PPP3CC: variants seen among roughly 807,000 people sequenced by gnomAD.
PPP3CC encodes the protein serine/threonine-protein phosphatase 2B catalytic subunit gamma isoform.
A neutral mutation model predicts 60.3 loss-of-function variants in PPP3CC; 35 were observed. That is an observed-to-expected ratio of 0.58 (90% confidence interval 0.44 to 0.77). The LOEUF (loss-of-function observed/expected upper bound fraction) is 0.77. PPP3CC is among the 30% of genes least tolerant of loss of function. PPP3CC has a pLI of 0.00. For synonymous variants in PPP3CC, 206 were observed against 224.3 expected (o/e 0.92, Z 0.73); for missense variants, 570 against 628.9 (o/e 0.91, Z 1.00).
intron 3 of PPP3CC, among the ~76,000 whole-genome samples, chr8:22,490,197 A>G (rs1434097926): frequency 6.6e-6 from 1 of 152,126 alleles, no homozygotes; most frequent in East Asian, 1.9e-4. Context: ...CATAAATGAT[A>G]TGGTGCTGTC....
chr8:22,514,020 C>T (rs1350006940), intron 6 of PPP3CC, among the ~76,000 whole-genome samples: 2 of 152,020 alleles, frequency 1.3e-5, no homozygotes, highest in Non-Finnish European at 2.9e-5. Flanking sequence ...CCTAGGCGGG[C>T]GGATCACTTA....
chr8:22,533,138 C>A, intron 12 of PPP3CC, 120 bp downstream of exon 12: 2 of 643,286 alleles, frequency 3.1e-6, no homozygotes, highest in Non-Finnish European at 2.4e-6. Context: ...ATACCATAAG[C>A]GGGGAAATGA....
intron 4 of PPP3CC, among the ~76,000 whole-genome samples, chr8:22,509,845 G>A (rs1281436133): frequency 1.3e-5 from 2 of 152,136 alleles, no homozygotes; most frequent in African/African-American, 4.8e-5. Context: ...TGGACAGCAG[G>A]TGTGTGCCAC....
intron 6 of PPP3CC, among the ~76,000 whole-genome samples, chr8:22,514,165 T>C (rs1345445772): frequency 1.3e-5 from 2 of 150,108 alleles, no homozygotes; most frequent in Non-Finnish European, 2.9e-5. Flanking sequence ...AGAGAATCAC[T>C]TGAACCTGGG....
At chr8:22,503,886 T>A (rs1321680195) in intron 4 of PPP3CC, among the ~76,000 whole-genome samples, 2 of 152,198 alleles carry the variant, frequency 1.3e-5, no homozygotes, top group Non-Finnish European at 2.9e-5. Flanking sequence ...AATTTTATTC[T>A]TGTATAAGGA....
At chr8:22,524,687 A>G (rs1839493806) in intron 8 of PPP3CC, among the ~76,000 whole-genome samples, 1 of 152,136 alleles carries the variant, frequency 6.6e-6, no homozygotes, top group Non-Finnish European at 1.5e-5. Context: ...TTCTTTTTTA[A>G]CTTCATCAAA....
At position 22,454,918 on chromosome 8, in the gene PPP3CC, C is replaced by T. The variant is rs573093697; in HGVS notation, c.49+13460C>T. 6.7e-4 allele frequency among the ~76,000 whole-genome samples: 102 copies of T among 151,632 alleles called. No homozygotes were observed. The East Asian group carries it at 0.017, about 26-fold the overall frequency. ...AAAAATACAAAAAATTAGCCGGGCG[C>T]GGTGGTGGACACCTGTAGTCCCAGC... On this transcript the variant is annotated intron_variant, in intron 1 of 13. Coordinates refer to ENST00000240139, the MANE Select transcript of PPP3CC (RefSeq NM_005605.5).
intron 3 of PPP3CC, among the ~76,000 whole-genome samples, chr8:22,490,058 C>T (rs780004307): frequency 2.0e-5 from 3 of 151,782 alleles, no homozygotes; most frequent in Admixed American, 6.6e-5. Context: ...CTCCTGACCT[C>T]GTGATCTACC....
chr8:22,472,484 C>T (rs1586808546), intron 1 of PPP3CC, among the ~76,000 whole-genome samples: 1 of 150,992 alleles, frequency 6.6e-6, no homozygotes, highest in Admixed American at 6.6e-5. Flanking sequence ...ACTGGCACAC[C>T]TTCAGGAGCA....
At chr8:22,449,784 T>C (rs1323785730) in intron 1 of PPP3CC, among the ~76,000 whole-genome samples, 1 of 151,438 alleles carries the variant, frequency 6.6e-6, no homozygotes, top group East Asian at 1.9e-4. Flanking sequence ...AGAAGAGGGA[T>C]AGTTGAAAAC....
At chr8:22,502,959 C>T (rs1374531326) in intron 4 of PPP3CC, among the ~76,000 whole-genome samples, 1 of 152,130 alleles carries the variant, frequency 6.6e-6, no homozygotes, top group African/African-American at 2.4e-5. Flanking sequence ...ATCCTCCAGC[C>T]TTAGCCTCCT....
intron 8 of PPP3CC, among the ~76,000 whole-genome samples, chr8:22,525,544 C>T (rs62492588): frequency 0.016 from 649 of 40,878 alleles, 4 homozygotes; most frequent in South Asian, 0.045. Flanking sequence ...CTTTCTCTCC[C>T]TCTCTCTCTC....
rs1172622416 is a variant in PPP3CC at position 22,527,399 on chromosome 8, G to A, written c.951G>A (p.Val317=). 1 of 1,613,862 alleles carries A rather than the reference G, an allele frequency of 6.2e-7. No homozygotes were observed. The highest frequency in any genetic ancestry group is 8.5e-7 in the Non-Finnish European group (1 of 1,179,868). The change falls in exon 9 of 14, where the codon GTG becomes GTA. Residue 317 remains valine (V), a synonymous_variant. Coordinates refer to ENST00000240139, the MANE Select transcript of PPP3CC (RefSeq NM_005605.5). ...YLDVYNNKAA[V]LKYENNVMNI... is the part of the protein sequence containing the mutation. ...TGCTTTTTTCCTTTTTAGCTGCTGT[G>A]TTGAAATATGAAAACAATGTCATGA...
intron 4 of PPP3CC, among the ~76,000 whole-genome samples, chr8:22,507,338 A>G (rs1838954812): frequency 6.6e-6 from 1 of 152,298 alleles, no homozygotes; most frequent in African/African-American, 2.4e-5. Flanking sequence ...TCCCTTCACT[A>G]TAGAAATAAC....
In PPP3CC at chr8:22,475,020, T is replaced by C. The variant is rs755776313; in HGVS notation, c.116T>C (p.Val39Ala). 8 of 1,612,782 alleles carry C rather than the reference T, an allele frequency of 5.0e-6. No homozygotes were observed. Among genetic ancestry groups the C allele is most frequent in the Non-Finnish European group, 8.5e-7 (1 of 1,179,210 alleles). The part of the protein sequence containing the change: ...KEVFENGKPK[V>A]DVLKNHLVKE... ...GTATTTGAGAATGGGAAACCTAAAG[T>C]TGATGTTTTAAAAAACCATTTGGTA... Residue 39 changes from valine (V) to alanine (A), a missense_variant, in exon 2 of 14, where the codon GTT becomes GCT. Transcript: ENST00000240139.
At chr8:22,525,485 CCTTTT>C (rs146871583) in intron 8 of PPP3CC, among the ~76,000 whole-genome samples, 85 of 134,226 alleles carry the variant, frequency 6.3e-4, no homozygotes, top group African/African-American at 2.2e-3. Flanking sequence ...CTTTCTGCTT[CCTTTT>C]CTTCTTTCTT....
intron 1 of PPP3CC, among the ~76,000 whole-genome samples, chr8:22,465,645 A>G (rs1255175089): frequency 6.6e-6 from 1 of 152,146 alleles, no homozygotes; most frequent in Non-Finnish European, 1.5e-5. Flanking sequence ...AAGAAGACCC[A>G]TGCCAGATGC....
chr8:22,467,378 TTCTG>T (rs1241005325), intron 1 of PPP3CC, among the ~76,000 whole-genome samples: 3 of 152,242 alleles, frequency 2.0e-5, no homozygotes, highest in Middle Eastern at 6.8e-3. Context: ...TTTCATTTTG[TTCTG>T]TCTTATTTTT....
intron 3 of PPP3CC, among the ~76,000 whole-genome samples, chr8:22,494,814 G>T (rs562569000): frequency 6.6e-6 from 1 of 152,126 alleles, no homozygotes; most frequent in Non-Finnish European, 1.5e-5. Context: ...GCCTGCTATA[G>T]GTAACCAATC....
Sources: allele counts gnomAD v4.1 joint callset (sites outside exome capture counted in the v4.1 genomes callset), GRCh38; gene constraint gnomAD v4.1.1; transcripts MANE v1.5; gene names NCBI Gene and HGNC (gene_info 2026-07-23, HGNC 2026-07-21).